The following SLC27A6 variants were observed in gnomAD, a reference collection of about 807,000 sequenced individuals.
SLC27A6 encodes the protein long-chain fatty acid transport protein 6.
In SLC27A6, 74 loss-of-function variants were observed where a neutral mutation model predicts 63.9. The observed-to-expected ratio is 1.16, with a 90% CI of 0.96 to 1.40. The LOEUF is 1.40. SLC27A6 is among the 40% of genes most tolerant of loss of function. The pLI, the probability that SLC27A6 is intolerant of heterozygous loss-of-function variation, is 0.00. For missense variants in SLC27A6, 794 were observed against 732.9 expected (o/e 1.08, Z -0.96); for synonymous variants, 287 against 260.8 (o/e 1.10, Z -0.97).
At chr5:128,992,749 T>A (rs1751026071) in intron 4 of SLC27A6, among the ~76,000 whole-genome samples, 2 of 152,200 alleles carry the variant, frequency 1.3e-5, no homozygotes, top group Non-Finnish European at 2.9e-5. Flanking sequence ...ATATCTGGAC[T>A]AGGTTAATTT....
chr5:128,981,262 C>T (rs2150132060), intron 1 of SLC27A6, among the ~76,000 whole-genome samples: 2 of 152,142 alleles, frequency 1.3e-5, no homozygotes. Flanking sequence ...GGTGGATCAC[C>T]TGAGGTCAGG....
At chr5:129,005,834 G>A (rs1231806701) in intron 4 of SLC27A6, among the ~76,000 whole-genome samples, 4 of 151,316 alleles carry the variant, frequency 2.6e-5, no homozygotes, top group Non-Finnish European at 5.9e-5. Flanking sequence ...GGATGGTCTC[G>A]ATCTCCTGAC....
Position 128,979,415 on chromosome 5 carries a change from G to A in SLC27A6, c.482-5718G>A, listed in dbSNP as rs563028785. Among the ~76,000 whole-genome samples, 42 of 152,232 alleles carry A rather than the reference G, an allele frequency of 2.8e-4. 1 individual carries two copies. Among genetic ancestry groups the A allele is most frequent in the South Asian group, 2.5e-3 (12 of 4,810 alleles). On this transcript the variant is annotated intron_variant, in intron 1 of 9. Transcript: ENST00000262462. ...GTTCTTCTACTGTTAATAACAAAGA[G>A]GTCATGAGGGAGATAACCCTGATGG...
intron 4 of SLC27A6, among the ~76,000 whole-genome samples, chr5:128,999,264 C>T (rs998363076): frequency 4.6e-5 from 7 of 152,140 alleles, no homozygotes; most frequent in Admixed American, 3.9e-4. Context: ...ATGTAGTCTT[C>T]AGCCTTCCAG....
At chr5:128,977,431 G>C (rs1446290170) in intron 1 of SLC27A6, among the ~76,000 whole-genome samples, 1 of 151,996 alleles carries the variant, frequency 6.6e-6, no homozygotes, top group Non-Finnish European at 1.5e-5. Flanking sequence ...GGTACTCAAA[G>C]TAGATGGATA....
intron 2 of SLC27A6, among the ~76,000 whole-genome samples, chr5:128,987,276 A>G (rs1415545697): frequency 1.3e-5 from 2 of 152,192 alleles, no homozygotes; most frequent in African/African-American, 2.4e-5. Context: ...AAAAATTGAA[A>G]GACACTGATC....
chr5:129,032,380 G>A (rs1752442158), intron 9 of SLC27A6, among the ~76,000 whole-genome samples: 1 of 152,040 alleles, frequency 6.6e-6, no homozygotes, highest in Non-Finnish European at 1.5e-5. Flanking sequence ...GGACTGGACA[G>A]GGAGAGCCTG....
chr5:128,985,595 C>T (rs2150134350), intron 2 of SLC27A6, among the ~76,000 whole-genome samples: 1 of 152,292 alleles, frequency 6.6e-6, no homozygotes, highest in South Asian at 2.1e-4. Context: ...GTACAAAGGG[C>T]ATGGGAGTAT....
intron 4 of SLC27A6, among the ~76,000 whole-genome samples, chr5:128,995,887 C>CAT (rs1751142447): frequency 6.6e-6 from 1 of 152,010 alleles, no homozygotes; most frequent in African/African-American, 2.4e-5. Flanking sequence ...GGAAAGCTAA[C>CAT]AAGACTTGTT....
At chr5:128,983,585 G>A (rs113562788) in intron 1 of SLC27A6, among the ~76,000 whole-genome samples, 86 of 152,154 alleles carry the variant, frequency 5.7e-4, no homozygotes, top group African/African-American at 1.7e-3. Context: ...ATGAGCCACC[G>A]GGCCTGGCCA....
chr5:128,995,398 C>G (rs1013330010), intron 4 of SLC27A6, among the ~76,000 whole-genome samples: 3 of 152,180 alleles, frequency 2.0e-5, no homozygotes, highest in Non-Finnish European at 2.9e-5. Context: ...GACTGCTTCT[C>G]TCTTAGAATT....
intron 1 of SLC27A6, 145 bp from the exon 2 acceptor site, chr5:128,984,988 G>A (rs886979010): frequency 3.1e-6 from 2 of 636,282 alleles, no homozygotes; most frequent in Non-Finnish European, 5.5e-6. Context: ...ACCATAAAAT[G>A]ACTGTGATAT....
In SLC27A6 at chr5:129,029,572, T is replaced by C. The variant is rs776359717; in HGVS notation, c.1553-5T>C. ...AAAATGACTCTATTTCAAACTTTTTTTCAGGTTATGAAGGAAGAGCAGGAA... is the reference window on the plus strand; with the variant it reads ...AAAATGACTCTATTTCAAACTTTTTCTCAGGTTATGAAGGAAGAGCAGGAA... On this transcript the variant is annotated splice_polypyrimidine_tract_variant and splice_region_variant and intron_variant, in intron 8 of 9. Transcript: ENST00000262462. The C allele has an allele frequency of 6.4e-6, 10 of 1,556,644 alleles. No individual in the cohort carries two copies. In the South Asian group the frequency reaches 1.1e-4, roughly 17 times the overall value.
At chr5:129,011,568 C>T (rs1483778403) in intron 4 of SLC27A6, among the ~76,000 whole-genome samples, 1 of 152,114 alleles carries the variant, frequency 6.6e-6, no homozygotes, top group East Asian at 1.9e-4. Context: ...AAAGAATGAA[C>T]TTAAATAGAT....
intron 7 of SLC27A6, among the ~76,000 whole-genome samples, chr5:129,027,578 A>G (rs1179996610): frequency 3.3e-5 from 5 of 152,142 alleles, no homozygotes; most frequent in African/African-American, 2.4e-5. Context: ...TTTTTAAGGA[A>G]ATAAAACTGG....
At chr5:128,967,802 T>G (rs1749966883) in intron 1 of SLC27A6, among the ~76,000 whole-genome samples, 1 of 152,186 alleles carries the variant, frequency 6.6e-6, no homozygotes, top group African/African-American at 2.4e-5. Context: ...AGAGTACATG[T>G]GCACAAAGTG....
At chr5:129,002,055 A>C (rs1299354226) in intron 4 of SLC27A6, among the ~76,000 whole-genome samples, 1 of 152,242 alleles carries the variant, frequency 6.6e-6, no homozygotes, top group Non-Finnish European at 1.5e-5. Context: ...TGGTATCATC[A>C]CATCAATTTG....
chr5:129,020,970 C>T (rs1019999899), intron 5 of SLC27A6, among the ~76,000 whole-genome samples: 3 of 151,686 alleles, frequency 2.0e-5, no homozygotes, highest in Admixed American at 6.6e-5. Context: ...ATAATACGCA[C>T]GAACTGGTGC....
intron 4 of SLC27A6, among the ~76,000 whole-genome samples, chr5:129,003,967 CAA>C (rs779667758): frequency 1.9e-4 from 13 of 69,394 alleles, no homozygotes; most frequent in East Asian, 1.0e-3. Flanking sequence ...GACCCTGTCT[CAA>C]AAAAAAAAAA....
Sources: gnomAD v4.1 joint callset for allele counts (sites outside exome capture counted in the v4.1 genomes callset) on GRCh38, gnomAD v4.1.1 for gene constraint, MANE v1.5 for transcripts, NCBI Gene and HGNC (gene_info 2026-07-23, HGNC 2026-07-21) for gene names.